The following AGTPBP1 variants were observed in gnomAD, a reference collection of about 807,000 sequenced individuals.
AGTPBP1 encodes the protein ATP/GTP binding carboxypeptidase 1.
In AGTPBP1, 70 loss-of-function variants were observed where a neutral mutation model predicts 143.9. The observed-to-expected ratio is 0.49, with a 90% CI of 0.40 to 0.59. AGTPBP1 has a LOEUF of 0.59. Ranked by LOEUF, AGTPBP1 falls within the 20% of genes least tolerant of loss-of-function variation. The pLI is 0.00. For missense variants in AGTPBP1, 1,229 were observed against 1,464.5 expected, an observed-to-expected ratio of 0.84 and a Z score of 2.62; for synonymous variants, 463 against 500.2, an observed-to-expected ratio of 0.93 and a Z score of 0.99.
At chr9:85,642,620 C>T (rs1172582272) in intron 13 of AGTPBP1, among the ~76,000 whole-genome samples, 1 of 151,520 alleles carries the variant, frequency 6.6e-6, no homozygotes, top group Non-Finnish European at 1.5e-5. Context: ...GTGTGAGCCA[C>T]CACGCCCGGC....
the AGTPBP1 span, among the ~76,000 whole-genome samples, chr9:85,777,976 G>A: frequency 2.6e-5 from 4 of 152,178 alleles, no homozygotes; most frequent in Admixed American, 1.3e-4. Flanking sequence ...GCATATCGTG[G>A]AGAACCGTCT....
chr9:85,580,836 C>T (rs1376690517), intron 23 of AGTPBP1, among the ~76,000 whole-genome samples: 1 of 152,096 alleles, frequency 6.6e-6, no homozygotes, highest in Non-Finnish European at 1.5e-5. Context: ...AAGACTGAGA[C>T]AGATTCAGAC....
At chr9:85,644,648 C>T (rs1289752049) in intron 12 of AGTPBP1, among the ~76,000 whole-genome samples, 1 of 152,108 alleles carries the variant, frequency 6.6e-6, no homozygotes, top group Non-Finnish European at 1.5e-5. Flanking sequence ...TGCACTGAAA[C>T]TTATATACGG....
intron 15 of AGTPBP1, among the ~76,000 whole-genome samples, chr9:85,619,817 G>A (rs1564070423): frequency 6.6e-6 from 1 of 152,018 alleles, no homozygotes; most frequent in Non-Finnish European, 1.5e-5. Context: ...ATGTCTGCTT[G>A]GTTCCCCGAC....
At chr9:85,661,287 T>C (rs372451306) in intron 8 of AGTPBP1, among the ~76,000 whole-genome samples, 2 of 152,116 alleles carry the variant, frequency 1.3e-5, no homozygotes, top group Admixed American at 6.6e-5. Context: ...AGCCTCTGTA[T>C]CTGACCTGAG....
At chr9:85,586,089 T>A (rs563044335) in intron 22 of AGTPBP1, among the ~76,000 whole-genome samples, 42 of 152,072 alleles carry the variant, frequency 2.8e-4, no homozygotes, top group African/African-American at 9.6e-4. Context: ...TGTGGGCACC[T>A]GTAATTCCAG....
chr9:85,671,178 C>A (rs553973349), intron 7 of AGTPBP1, among the ~76,000 whole-genome samples: 10 of 152,052 alleles, frequency 6.6e-5, no homozygotes, highest in African/African-American at 2.4e-4. Context: ...AAACTCCTGG[C>A]CTCAAGCGGT....
chr9:85,785,967 G>A, the AGTPBP1 span: 1 of 614,172 alleles, frequency 1.6e-6, no homozygotes, highest in Admixed American at 3.4e-5. Context: ...TCTAAAATAA[G>A]TCATTTAACA....
intron 1 of AGTPBP1, among the ~76,000 whole-genome samples, chr9:85,725,115 G>A (rs943153112): frequency 6.6e-6 from 1 of 152,150 alleles, no homozygotes; most frequent in Non-Finnish European, 1.5e-5. Flanking sequence ...TTCGTCACTT[G>A]TGAGAGATTT....
chr9:85,668,997 G>A (rs1206111929), intron 8 of AGTPBP1, among the ~76,000 whole-genome samples: 1 of 84,870 alleles, frequency 1.2e-5, no homozygotes, highest in African/African-American at 4.7e-5. Context: ...GTGTGTGTGT[G>A]TGTGTGTGTG....
At chr9:85,665,466 G>A (rs1430657832) in intron 8 of AGTPBP1, among the ~76,000 whole-genome samples, 1 of 152,108 alleles carries the variant, frequency 6.6e-6, no homozygotes, top group Non-Finnish European at 1.5e-5. Context: ...ATAAATTTCT[G>A]TTGTTTTGAG....
chr9:85,772,447 T>C, the AGTPBP1 span, among the ~76,000 whole-genome samples: 2 of 152,168 alleles, frequency 1.3e-5, no homozygotes, highest in Non-Finnish European at 2.9e-5. Context: ...AAGAATCCAG[T>C]AGACAAAATG....
intron 25 of AGTPBP1, among the ~76,000 whole-genome samples, chr9:85,547,887 A>G (rs1825816922): frequency 6.6e-6 from 1 of 152,234 alleles, no homozygotes; most frequent in African/African-American, 2.4e-5. Flanking sequence ...AAAAGCACTA[A>G]GTGCTTCTAA....
At chr9:85,784,811 A>G in the AGTPBP1 span, among the ~76,000 whole-genome samples, 2 of 152,236 alleles carry the variant, frequency 1.3e-5, no homozygotes, top group Non-Finnish European at 2.9e-5. Context: ...TGCAGCAGTC[A>G]TCTAAATGGT....
At chr9:85,632,024 T>G (rs911894047) in intron 14 of AGTPBP1, among the ~76,000 whole-genome samples, 2 of 152,182 alleles carry the variant, frequency 1.3e-5, no homozygotes, top group African/African-American at 4.8e-5. Context: ...AAAATAATAC[T>G]GTCTATATTG....
intron 2 of AGTPBP1, among the ~76,000 whole-genome samples, chr9:85,709,509 G>A (rs1224102760): frequency 6.6e-6 from 1 of 152,118 alleles, no homozygotes; most frequent in Non-Finnish European, 1.5e-5. Context: ...TCCAGGGTAA[G>A]GACTTTGTCT....
intron 1 of AGTPBP1, among the ~76,000 whole-genome samples, chr9:85,738,366 T>G (rs1170645309): frequency 6.6e-6 from 1 of 151,146 alleles, no homozygotes; most frequent in African/African-American, 2.4e-5. Flanking sequence ...AAGCTGAAAA[T>G]GAACACAATG....
chr9:85,679,000 T>A (rs1835004678), intron 4 of AGTPBP1, among the ~76,000 whole-genome samples: 1 of 152,228 alleles, frequency 6.6e-6, no homozygotes, highest in Admixed American at 6.5e-5. Context: ...CATCTACCCA[T>A]GAAATATTTA....
chr9:85,737,895 C>T (rs563518345), intron 1 of AGTPBP1, among the ~76,000 whole-genome samples: 47 of 152,248 alleles, frequency 3.1e-4, no homozygotes, highest in African/African-American at 1.1e-3. Flanking sequence ...TAGCCATTAA[C>T]TATGTGAGAC....
Sources: gnomAD v4.1 joint callset for allele counts (sites outside exome capture counted in the v4.1 genomes callset) on GRCh38, gnomAD v4.1.1 for gene constraint, MANE v1.5 for transcripts, NCBI Gene and HGNC (gene_info 2026-07-23, HGNC 2026-07-21) for gene names.